DENND1A: variants seen among roughly 807,000 people sequenced by gnomAD.
DENND1A encodes DENN domain-containing protein 1A.
DENND1A carries 51 observed loss-of-function variants against 113.7 expected under a neutral mutation model. That is an observed-to-expected ratio of 0.45 (90% CI 0.36 to 0.57). DENND1A has a LOEUF of 0.57. DENND1A is among the 20% of genes least tolerant of loss of function. The pLI is 0.00. For synonymous variants in DENND1A, 565 were observed against 570.8 expected, an observed-to-expected ratio of 0.99 and a Z score of 0.14; for missense variants, 1,258 against 1,395.9, an observed-to-expected ratio of 0.90 and a Z score of 1.57.
chr9:123,869,493 G>T (rs1285967793), intron 2 of DENND1A, among the ~76,000 whole-genome samples: 1 of 152,160 alleles, frequency 6.6e-6, no homozygotes, highest in African/African-American at 2.4e-5. Flanking sequence ...GTGATATCTT[G>T]AGTAAAGCTT....
In DENND1A at chr9:123,742,179, T is replaced by C. The variant is rs188773252; in HGVS notation, c.302+15524A>G. Among the ~76,000 whole-genome samples, 3 of 152,016 alleles carry C rather than the reference T, an allele frequency of 2.0e-5. No homozygotes were observed. In the East Asian group the frequency reaches 5.8e-4, roughly 29 times the overall value. ...CAATTCCAATTGCGTTTAGGCCATG[T>C]AGTCCTATTAAAGAAGGCCTGCTGG... is the stretch of plus-strand genomic sequence containing the variant. On this transcript the variant is annotated intron_variant, in intron 5 of 23. Coordinates refer to ENST00000394215, the MANE Select transcript of DENND1A (RefSeq NM_001352964.2).
intron 22 of DENND1A, 138 bp from the exon 23 acceptor site, chr9:123,384,051 G>A (rs1273757785): frequency 1.4e-5 from 16 of 1,180,966 alleles, no homozygotes; most frequent in Non-Finnish European, 1.9e-5. Flanking sequence ...CGGGGTCTCC[G>A]TGAGGGCAGG....
At chr9:123,399,084 C>A (rs1484552195) in intron 21 of DENND1A, among the ~76,000 whole-genome samples, 1 of 152,182 alleles carries the variant, frequency 6.6e-6, no homozygotes, top group Non-Finnish European at 1.5e-5. Context: ...GTGTGAGCCA[C>A]CGCGCCCGGC....
intron 3 of DENND1A, among the ~76,000 whole-genome samples, chr9:123,786,002 CAGGAG>C (rs1832106817): frequency 6.6e-6 from 1 of 152,104 alleles, no homozygotes; most frequent in African/African-American, 2.4e-5. Context: ...CACCTGAGGT[CAGGAG>C]ATGGAGACCA....
At chr9:123,414,701 T>C (rs769117834) in intron 19 of DENND1A, 5 of 1,383,958 alleles carry the variant, frequency 3.6e-6, no homozygotes, top group Non-Finnish European at 4.0e-6. Flanking sequence ...TATTTGAACA[T>C]AGACTTGCTT....
chr9:123,554,957 C>T (rs533815280), intron 13 of DENND1A, among the ~76,000 whole-genome samples: 24 of 152,316 alleles, frequency 1.6e-4, no homozygotes, highest in African/African-American at 5.8e-4. Flanking sequence ...TAATTTATTT[C>T]ACCAGTTACC....
At chr9:123,498,503 C>T (rs919577081) in intron 13 of DENND1A, among the ~76,000 whole-genome samples, 2 of 152,232 alleles carry the variant, frequency 1.3e-5, no homozygotes, top group Admixed American at 1.3e-4. Flanking sequence ...TATCTCTAAG[C>T]CCATTCTTTT....
At chr9:123,892,351 G>A (rs1329620049) in intron 1 of DENND1A, among the ~76,000 whole-genome samples, 1 of 152,174 alleles carries the variant, frequency 6.6e-6, no homozygotes, top group Non-Finnish European at 1.5e-5. Context: ...CCTAGACTGA[G>A]CACAACTCCA....
chr9:123,839,076 G>A (rs2132923908), intron 2 of DENND1A, among the ~76,000 whole-genome samples: 1 of 152,290 alleles, frequency 6.6e-6, no homozygotes, highest in East Asian at 1.9e-4. Flanking sequence ...GGTCTGGGCT[G>A]AGCCACACGC....
intron 12 of DENND1A, among the ~76,000 whole-genome samples, chr9:123,581,235 T>C (rs1262314529): frequency 2.6e-5 from 4 of 152,142 alleles, no homozygotes; most frequent in Non-Finnish European, 5.9e-5. Context: ...CTCAGTGCAG[T>C]GAGCCAGTGA....
At chr9:123,468,751 G>GA (rs2049157209) in intron 13 of DENND1A, among the ~76,000 whole-genome samples, 1 of 152,232 alleles carries the variant, frequency 6.6e-6, no homozygotes, top group African/African-American at 2.4e-5. Context: ...AGAAAGCTGA[G>GA]AGAGTGGGGA....
At chr9:123,478,279 C>T (rs1033721015) in intron 13 of DENND1A, among the ~76,000 whole-genome samples, 1 of 152,212 alleles carries the variant, frequency 6.6e-6, no homozygotes, top group Non-Finnish European at 1.5e-5. Context: ...CTTCAAAAGG[C>T]TTTTGGCGGT....
intron 5 of DENND1A, among the ~76,000 whole-genome samples, chr9:123,702,304 T>C (rs963180278): frequency 6.6e-6 from 1 of 152,126 alleles, no homozygotes; most frequent in Admixed American, 6.5e-5. Flanking sequence ...TTATGAGATT[T>C]ACGGAATGGC....
intron 3 of DENND1A, among the ~76,000 whole-genome samples, chr9:123,786,043 T>C (rs1311956617): frequency 6.6e-6 from 1 of 151,986 alleles, no homozygotes; most frequent in Non-Finnish European, 1.5e-5. Context: ...TGAAACCCCA[T>C]CTCTACTAAA....
rs773902117 is a variant in DENND1A, at chr9:123,603,205, A to G, written c.765+6231T>C. On this transcript the variant is annotated intron_variant, in intron 11 of 23. Transcript: ENST00000394215. ...CATGAAAGACTTTCTATGCCAGGGG[A>G]AAAATGAAAAGAAAAAACTAGTTAA... Among the ~76,000 whole-genome samples the G allele has an allele frequency of 6.6e-5, 10 of 152,352 alleles. No individual in the cohort carries two copies. In the Middle Eastern group the frequency reaches 0.014, roughly 207 times the overall value.
At chr9:123,891,105 G>C (rs1359520276) in intron 1 of DENND1A, among the ~76,000 whole-genome samples, 1 of 152,150 alleles carries the variant, frequency 6.6e-6, no homozygotes, top group Admixed American at 6.5e-5. Flanking sequence ...AGCACTCCTT[G>C]AGTAGTCCTT....
intron 13 of DENND1A, among the ~76,000 whole-genome samples, chr9:123,531,554 TACACACACACACACACAC>T (rs57819030): frequency 5.8e-5 from 6 of 103,128 alleles, no homozygotes; most frequent in Admixed American, 1.0e-4. Flanking sequence ...CCTCTCTCTC[TACACACACACACACACAC>T]ACACACACAC....
chr9:123,579,198 A>G (rs2058768641), intron 12 of DENND1A, among the ~76,000 whole-genome samples: 1 of 152,166 alleles, frequency 6.6e-6, no homozygotes, highest in African/African-American at 2.4e-5. Flanking sequence ...TTTTAAATAT[A>G]TTATATATAT....
intron 5 of DENND1A, among the ~76,000 whole-genome samples, chr9:123,717,667 T>TATC (rs1564127677): frequency 4.6e-5 from 7 of 152,370 alleles, no homozygotes; most frequent in Non-Finnish European, 5.9e-5. Context: ...CCTATTTTAA[T>TATC]GTAAGGCTTT....
Sources: gnomAD v4.1 joint callset for allele counts (sites outside exome capture counted in the v4.1 genomes callset) on GRCh38, gnomAD v4.1.1 for gene constraint, MANE v1.5 for transcripts, NCBI Gene and HGNC (gene_info 2026-07-23, HGNC 2026-07-21) for gene names.